The following TMCC1 variants were observed in gnomAD, a reference collection of about 807,000 sequenced individuals.
TMCC1 encodes the protein transmembrane and coiled-coil domains protein 1.
TMCC1 carries 15 observed loss-of-function variants against 52.4 expected under a neutral mutation model. The ratio of observed to expected loss-of-function variants is 0.29; its 90% CI spans 0.19 to 0.44. The LOEUF is 0.44. Ranked by LOEUF, TMCC1 falls within the 20% of genes least tolerant of loss-of-function variation. The pLI is 1.00. For missense variants in TMCC1, 503 were observed against 806.0 expected, an observed-to-expected ratio of 0.62 and a Z score of 4.55; for synonymous variants, 279 against 301.9, an observed-to-expected ratio of 0.92 and a Z score of 0.79.
At position 129,828,006 on chromosome 3, in the gene TMCC1, G is replaced by A. The variant is rs775148645; in HGVS notation, c.373C>T (p.Arg125Trp). 1.1e-5 allele frequency: 17 copies of A among 1,613,936 alleles called. No homozygotes were observed. The highest frequency in any genetic ancestry group is 5.0e-5 in the Admixed American group (3 of 59,978). ...MKRGTSLHSR[R>W]GKPEAPKGSP... ...CCCTTTGGGGCCTCTGGCTTGCCCC[G>A]CCTACTATGCAAGCTTGTCCCTCTC... Residue 125 changes from arginine to tryptophan, a missense_variant, in exon 4 of 7, where the codon CGG (arginine) becomes TGG (tryptophan). Transcript: ENST00000393238. The surrounding 1 kb of genome is among the most constrained non-coding windows in gnomAD (Gnocchi z 4.1).
intron 5 of TMCC1, among the ~76,000 whole-genome samples, chr3:129,666,423 A>C (rs532869644): frequency 3.9e-5 from 6 of 152,286 alleles, no homozygotes; most frequent in Non-Finnish European, 7.4e-5. Flanking sequence ...AATGCTTAAA[A>C]TGTGAAAAGT....
At position 129,671,217 on chromosome 3, in the gene TMCC1, C is replaced by T; in HGVS notation, c.624G>A (p.Val208=). 1 of 1,614,028 alleles carries T rather than the reference C, an allele frequency of 6.2e-7. No homozygotes were observed. Among genetic ancestry groups the T allele is most frequent in the Non-Finnish European group, 8.5e-7 (1 of 1,180,002 alleles). The change falls in exon 5 of 7, where the codon GTG becomes GTA. Residue 208 remains valine, a synonymous_variant. Coordinates refer to ENST00000393238, the MANE Select transcript of TMCC1 (RefSeq NM_001017395.5). ...GGATGCTGCCATCGGTACTGGAGGC[C>T]ACTGCACTGGATGTTTGGGCAAGGC... The part of the protein sequence containing the change: ...VSSLAQTSSA[V]ASSTDGSIHT...
chr3:129,758,631 T>C (rs2053224334), intron 4 of TMCC1, among the ~76,000 whole-genome samples: 1 of 152,220 alleles, frequency 6.6e-6, no homozygotes, highest in Admixed American at 6.5e-5. Flanking sequence ...TTATTTCCTT[T>C]TATGTCTTCC....
chr3:129,732,244 T>C (rs566642381), intron 4 of TMCC1, among the ~76,000 whole-genome samples: 6 of 152,318 alleles, frequency 3.9e-5, no homozygotes, highest in Non-Finnish European at 8.8e-5. Context: ...TCTTGATTTA[T>C]TTTACTGGCG....
intron 4 of TMCC1, among the ~76,000 whole-genome samples, chr3:129,773,620 A>T (rs1392265927): frequency 6.6e-6 from 1 of 152,240 alleles, no homozygotes; most frequent in Non-Finnish European, 1.5e-5. Context: ...AATTAACAAC[A>T]CAGACAGAAT....
intron 4 of TMCC1, among the ~76,000 whole-genome samples, chr3:129,769,063 G>A (rs2054340472): frequency 6.6e-6 from 1 of 152,202 alleles, no homozygotes; most frequent in South Asian, 2.1e-4. Context: ...AGAAGGTAAG[G>A]GAGTAACAGG....
intron 4 of TMCC1, among the ~76,000 whole-genome samples, chr3:129,760,401 AGTGTGT>A (rs200322394): frequency 0.021 from 2,829 of 137,534 alleles, 77 homozygotes; most frequent in African/African-American, 0.053. Flanking sequence ...ACGCCAGGCT[AGTGTGT>A]GTGTGTGTGT....
chr3:129,769,379 G>A (rs570711155), intron 4 of TMCC1, among the ~76,000 whole-genome samples: 1 of 151,976 alleles, frequency 6.6e-6, no homozygotes, highest in Non-Finnish European at 1.5e-5. Flanking sequence ...ACAGGGGCAC[G>A]ACACCACACC....
chr3:129,827,203 A>G (rs1272034779), intron 4 of TMCC1, among the ~76,000 whole-genome samples: 1 of 152,214 alleles, frequency 6.6e-6, no homozygotes, highest in East Asian at 1.9e-4. Flanking sequence ...TCAACTAACC[A>G]TAACTGAGAG....
chr3:129,856,508 T>C (rs996691947), intron 2 of TMCC1, among the ~76,000 whole-genome samples: 1 of 152,206 alleles, frequency 6.6e-6, no homozygotes, highest in African/African-American at 2.4e-5. Context: ...GTTTTCTAAG[T>C]CCCAAATTCA....
chr3:129,735,368 G>A (rs2050870108), intron 4 of TMCC1, among the ~76,000 whole-genome samples: 1 of 152,152 alleles, frequency 6.6e-6, no homozygotes, highest in South Asian at 2.1e-4. Flanking sequence ...AAAGGGGCCA[G>A]GTGTGATGGC....
Position 129,828,328 on chromosome 3 carries a change from G to A in TMCC1, c.51C>T (p.Gly17=). The A allele has an allele frequency of 6.2e-7, 1 of 1,614,020 alleles. No individual in the cohort carries two copies. Among genetic ancestry groups the A allele is most frequent in the Non-Finnish European group, 8.5e-7 (1 of 1,179,994 alleles). Residue 17 remains glycine (G), a synonymous_variant, in exon 4 of 7, where the codon GGC becomes GGT. Transcript: ENST00000393238. The surrounding 1 kb of genome is among the most constrained non-coding windows in gnomAD (Gnocchi z 4.1). The stretch of plus-strand genomic sequence containing the variant: ...TTCTGGCCTCTGCATCTTGGGATTT[G>A]CCTCCAGGATCAGGGTCCTCAAATA... ...EQLFEDPDPG[G]KSQDAEARKQ... is the part of the protein sequence containing the mutation.
Position 129,735,259 on chromosome 3 carries a change from A to G in TMCC1, c.577-63995T>C, listed in dbSNP as rs146508298. Reference sequence around the variant, plus strand: ...AAAGAAAAAAACTATGAGAACATATATACATTACATTGTTAACATTCAAAT... The same window carrying G: ...AAAGAAAAAAACTATGAGAACATATGTACATTACATTGTTAACATTCAAAT... On this transcript the variant is annotated intron_variant, in intron 4 of 6. Transcript: ENST00000393238. Among the ~76,000 whole-genome samples, 1,377 of 152,308 alleles carry G rather than the reference A, an allele frequency of 9.0e-3. 12 individuals are homozygous for G. Among genetic ancestry groups the G allele is most frequent in the Non-Finnish European group, 0.015 (1,032 of 68,024 alleles).
At chr3:129,740,626 G>T (rs1039998072) in intron 4 of TMCC1, among the ~76,000 whole-genome samples, 1 of 152,148 alleles carries the variant, frequency 6.6e-6, no homozygotes, top group African/African-American at 2.4e-5. Flanking sequence ...ATGACATTGG[G>T]AAAGTAACCA....
At chr3:129,834,938 C>T (rs1259444547) in intron 2 of TMCC1, among the ~76,000 whole-genome samples, 1 of 152,190 alleles carries the variant, frequency 6.6e-6, no homozygotes, top group Non-Finnish European at 1.5e-5. Flanking sequence ...AAATTGATTG[C>T]CTTTTAGCAA....
At chr3:129,840,379 T>C (rs1276467782) in intron 2 of TMCC1, among the ~76,000 whole-genome samples, 1 of 146,706 alleles carries the variant, frequency 6.8e-6, no homozygotes, top group Non-Finnish European at 1.5e-5. Context: ...ACAAGAAGCC[T>C]GCTAAGCAAA....
At position 129,804,420 on chromosome 3, in the gene TMCC1, A is replaced by C. The variant is rs143088151; in HGVS notation, c.576+23383T>G. Among the ~76,000 whole-genome samples the C allele has an allele frequency of 4.1e-3, 625 of 152,192 alleles. 6 individuals carry two copies. Among genetic ancestry groups the C allele is most frequent in the African/African-American group, 0.015 (605 of 41,530 alleles). On this transcript the variant is annotated intron_variant, in intron 4 of 6. Coordinates refer to ENST00000393238, the MANE Select transcript of TMCC1 (RefSeq NM_001017395.5). ...TACCTTAGCCAAATCCAAATAATAC[A>C]AGGCCTTTTACCTCCATTAGGCCTC...
At chr3:129,739,687 A>G (rs2051286854) in intron 4 of TMCC1, among the ~76,000 whole-genome samples, 1 of 152,228 alleles carries the variant, frequency 6.6e-6, no homozygotes, top group Non-Finnish European at 1.5e-5. Flanking sequence ...CAAGTTGGTC[A>G]GCACAGAAGA....
intron 4 of TMCC1, among the ~76,000 whole-genome samples, chr3:129,700,901 T>C (rs1044183106): frequency 6.6e-6 from 1 of 152,184 alleles, no homozygotes; most frequent in Non-Finnish European, 1.5e-5. Context: ...TGACAAAAGA[T>C]GTTCTTAATA....
Sources: gnomAD v4.1 joint callset for allele counts (sites outside exome capture counted in the v4.1 genomes callset) on GRCh38, gnomAD v4.1.1 for gene constraint, Gnocchi (gnomAD v3.1) non-coding constraint, MANE v1.5 for transcripts, NCBI Gene and HGNC (gene_info 2026-07-23, HGNC 2026-07-21) for gene names.